The following TSPAN7 variants were observed in gnomAD, a reference collection of about 807,000 sequenced individuals.
TSPAN7 encodes tetraspanin 7, also known as tetraspanin-7.
Under a neutral mutation model 17.6 loss-of-function variants are expected in TSPAN7, and 1 was observed. The observed-to-expected ratio is 0.06, with a 90% CI of 0.02 to 0.27. The LOEUF (loss-of-function observed/expected upper bound fraction) is 0.27. Among genes scored for constraint, TSPAN7 ranks in the 10% least tolerant of loss-of-function variants. The pLI is 1.00. For missense variants in TSPAN7, 112 were observed against 201.7 expected, an observed-to-expected ratio of 0.56 and a Z score of 2.69; for synonymous variants, 78 against 79.0, an observed-to-expected ratio of 0.99 and a Z score of 0.07.
At position 38,631,007 on chromosome X, in the gene TSPAN7, CA is replaced by C. The variant is rs199525989; in HGVS notation, c.82-35111del. ...TATTTTTCCCCTTTAAATTGGATAG[CA>C]AATGATCAGTGGGCTAGAATTCTTC... On this transcript the variant is annotated intron_variant, in intron 1 of 7. Transcript: ENST00000378482. Among the ~76,000 whole-genome samples the C allele has an allele frequency of 3.9e-3, 441 of 112,356 alleles. 2 individuals carry two copies. Among genetic ancestry groups the C allele is most frequent in the African/African-American group, 0.013 (416 of 30,997 alleles).
intron 1 of TSPAN7, among the ~76,000 whole-genome samples, chrX:38,591,388 A>G (rs892706220): frequency 5.4e-5 from 6 of 111,919 alleles, no homozygotes; most frequent in African/African-American, 1.9e-4. Context: ...TGGGAAGAAC[A>G]TACTTTGTAT....
chrX:38,599,855 TG>T (rs1166418495), intron 1 of TSPAN7, among the ~76,000 whole-genome samples: 1 of 112,183 alleles, frequency 8.9e-6, no homozygotes, highest in Non-Finnish European at 1.9e-5. Context: ...AAAATGATTT[TG>T]TTTTACATTT....
At chrX:38,601,685 T>G (rs2069347710) in intron 1 of TSPAN7, among the ~76,000 whole-genome samples, 1 of 111,896 alleles carries the variant, frequency 8.9e-6, no homozygotes. Flanking sequence ...AGGGAATGAT[T>G]AGCTATTGTT....
chrX:38,633,502 G>A (rs1355358943), intron 1 of TSPAN7, among the ~76,000 whole-genome samples: 1 of 112,475 alleles, frequency 8.9e-6, no homozygotes, highest in East Asian at 2.8e-4. Flanking sequence ...ACTATTTAGT[G>A]TATTTATAAC....
At chrX:38,599,720 G>A (rs974543815) in intron 1 of TSPAN7, among the ~76,000 whole-genome samples, 2 of 111,304 alleles carry the variant, frequency 1.8e-5, no homozygotes, top group Non-Finnish European at 3.8e-5. Context: ...CAAGCAAAGG[G>A]CATTATTCAA....
At chrX:38,686,370 T>A (rs969037766) in intron 6 of TSPAN7, among the ~76,000 whole-genome samples, 1 of 112,162 alleles carries the variant, frequency 8.9e-6, no homozygotes, top group African/African-American at 3.2e-5. Context: ...GGACCTGAAG[T>A]GGCAGCAGGT....
chrX:38,650,588 C>A (rs1263710262), intron 1 of TSPAN7, among the ~76,000 whole-genome samples: 1 of 112,324 alleles, frequency 8.9e-6, no homozygotes, highest in Admixed American at 9.4e-5. Context: ...CCCTTCAATG[C>A]AGCTTTAAAG....
At chrX:38,584,875 A>G (rs2069249567) in intron 1 of TSPAN7, among the ~76,000 whole-genome samples, 1 of 111,590 alleles carries the variant, frequency 9.0e-6, no homozygotes, top group South Asian at 3.8e-4. Flanking sequence ...GATTTTCTTT[A>G]TAGTTGTACC....
chrX:38,575,901 C>T (rs1022978290), intron 1 of TSPAN7, among the ~76,000 whole-genome samples: 23 of 112,179 alleles, frequency 2.1e-4, no homozygotes, highest in African/African-American at 6.8e-4. Flanking sequence ...AACTTCTTCT[C>T]AATGTGGACT....
chrX:38,647,089 T>C (rs970371737), intron 1 of TSPAN7, among the ~76,000 whole-genome samples: 15 of 112,104 alleles, frequency 1.3e-4, no homozygotes, highest in African/African-American at 3.9e-4. Flanking sequence ...TTCTTCTAAT[T>C]ACATTCACCC....
intron 1 of TSPAN7, chrX:38,646,201 G>T: frequency 9.6e-7 from 1 of 1,036,409 alleles, no homozygotes; most frequent in South Asian, 2.5e-5. Context: ...CTGGCAAAAA[G>T]TATAGATCCA....
rs751517701 is a variant in TSPAN7, at chrX:38,675,746, C to A, written c.483C>A (p.Thr161=). 2.6e-5 allele frequency: 31 copies of A among 1,208,927 alleles called. No homozygotes were observed. Among genetic ancestry groups the A allele is most frequent in the Non-Finnish European group, 3.5e-5 (31 of 895,030 alleles). ...CGVQNYTNWS[T]SPYFLEHGIP... is the part of the protein sequence containing the mutation. Reference sequence around the variant, plus strand: ...TGCAGAACTACACCAACTGGAGCACCAGCCCCTACTTCCTGGAGCATGGCA... The same window carrying A: ...TGCAGAACTACACCAACTGGAGCACAAGCCCCTACTTCCTGGAGCATGGCA... The change falls in exon 5 of 8, where the codon ACC becomes ACA. Residue 161 remains threonine (T), a synonymous_variant. Transcript: ENST00000378482.
intron 1 of TSPAN7, among the ~76,000 whole-genome samples, chrX:38,572,735 C>T (rs1198627090): frequency 3.6e-5 from 4 of 111,423 alleles, no homozygotes; most frequent in Non-Finnish European, 7.6e-5. Flanking sequence ...GAACCCAAAG[C>T]TTGATAAGAC....
intron 5 of TSPAN7, among the ~76,000 whole-genome samples, chrX:38,677,117 T>C (rs974246423): frequency 1.8e-5 from 2 of 111,868 alleles, no homozygotes; most frequent in African/African-American, 6.5e-5. Context: ...AAATTGAGGA[T>C]CCAGAAGTCA....
Position 38,688,101 on chromosome X carries a change from T to C in TSPAN7, c.*170T>C. On this transcript the variant is annotated 3_prime_UTR_variant, in exon 8 of 8. Transcript: ENST00000378482. ...ACTGACACTCCCACCCAGTCTCTGC[T>C]CCACCTTTCAGCCCACGTCACGTGT... is the stretch of plus-strand genomic sequence containing the variant. 1 of 117,216 alleles carries C rather than the reference T, an allele frequency of 8.5e-6. No homozygotes were observed. Among genetic ancestry groups the C allele is most frequent in the Non-Finnish European group, 1.8e-5 (1 of 55,529 alleles). The allele number at this position is 117,216 out of a possible 1,213,427, so 9.7% of individuals were successfully genotyped here.
chrX:38,680,541 C>CTCTCTCTCTA (rs2069882947), intron 5 of TSPAN7, among the ~76,000 whole-genome samples: 1 of 25,909 alleles, frequency 3.9e-5, no homozygotes, highest in African/African-American at 1.3e-4. Context: ...CTTACAAATT[C>CTCTCTCTCTA]TCTCTCTCTC....
At chrX:38,610,828 G>C (rs758541261) in intron 1 of TSPAN7, among the ~76,000 whole-genome samples, 36 of 112,545 alleles carry the variant, frequency 3.2e-4, no homozygotes, top group Middle Eastern at 9.3e-3. Context: ...TGAAGATGCT[G>C]TTTCCAGTGA....
chrX:38,573,770 C>T (rs750499881), intron 1 of TSPAN7, among the ~76,000 whole-genome samples: 8 of 111,516 alleles, frequency 7.2e-5, no homozygotes, highest in Non-Finnish European at 1.5e-4. Flanking sequence ...ACTGCTGATG[C>T]ATTTTGTAGA....
chrX:38,578,127 T>C (rs914215131), intron 1 of TSPAN7, among the ~76,000 whole-genome samples: 1 of 111,078 alleles, frequency 9.0e-6, no homozygotes, highest in African/African-American at 3.3e-5. Flanking sequence ...AAAGGCAGGA[T>C]TGGAATTAAA....
Sources: allele counts gnomAD v4.1 joint callset (sites outside exome capture counted in the v4.1 genomes callset), GRCh38; gene constraint gnomAD v4.1.1; transcripts MANE v1.5; gene names NCBI Gene and HGNC (gene_info 2026-07-23, HGNC 2026-07-21).